The following DIS3L2 variants were observed in gnomAD, a reference collection of about 807,000 sequenced individuals.
The protein encoded by DIS3L2 is DIS3-like exonuclease 2.
DIS3L2 carries 34 observed loss-of-function variants against 97.5 expected under a neutral mutation model. That is an observed-to-expected ratio of 0.35 (90% CI 0.27 to 0.46). The LOEUF (loss-of-function observed/expected upper bound fraction) is 0.46. DIS3L2 is among the 20% of genes least tolerant of loss of function. DIS3L2 has a pLI of 1.00. For synonymous variants in DIS3L2, 435 were observed against 445.2 expected, an observed-to-expected ratio of 0.98 and a Z score of 0.29; for missense variants, 1,038 against 1,146.0, an observed-to-expected ratio of 0.91 and a Z score of 1.36.
intron 14 of DIS3L2, among the ~76,000 whole-genome samples, chr2:232,310,361 G>C (rs1203453111): frequency 6.6e-6 from 1 of 152,198 alleles, no homozygotes; most frequent in Non-Finnish European, 1.5e-5. Context: ...CAGTGCAGGT[G>C]TGAGCTCACT....
intron 1 of DIS3L2, among the ~76,000 whole-genome samples, chr2:231,966,221 T>G (rs1574769379): frequency 6.6e-6 from 1 of 150,606 alleles, no homozygotes; most frequent in Non-Finnish European, 1.5e-5. Flanking sequence ...CAGGCTGGAG[T>G]GCAGTGGCAC....
intron 13 of DIS3L2, among the ~76,000 whole-genome samples, chr2:232,273,068 G>A (rs949082989): frequency 5.3e-5 from 8 of 152,064 alleles, no homozygotes; most frequent in African/African-American, 1.4e-4. Context: ...TTCACCCTGT[G>A]ACCTTCTAGG....
intron 5 of DIS3L2, among the ~76,000 whole-genome samples, chr2:232,043,272 A>G (rs1695156443): frequency 6.6e-6 from 1 of 152,156 alleles, no homozygotes; most frequent in Admixed American, 6.5e-5. Flanking sequence ...GCAGAAGGAA[A>G]CAGAGCCAAG....
At chr2:232,064,028 C>T (rs903319745) in intron 5 of DIS3L2, among the ~76,000 whole-genome samples, 25 of 151,858 alleles carry the variant, frequency 1.6e-4, no homozygotes, top group Non-Finnish European at 4.4e-5. Context: ...GTTTGCTTGG[C>T]TTTGGTATAA....
At chr2:232,261,031 CTT>C (rs1182953489) in intron 12 of DIS3L2, among the ~76,000 whole-genome samples, 3 of 152,210 alleles carry the variant, frequency 2.0e-5, no homozygotes, top group Admixed American at 6.5e-5. Flanking sequence ...CCTCCCTTTT[CTT>C]GCACAGAAAA....
At chr2:232,301,199 A>G (rs1694846521) in intron 14 of DIS3L2, among the ~76,000 whole-genome samples, 1 of 152,206 alleles carries the variant, frequency 6.6e-6, no homozygotes, top group Non-Finnish European at 1.5e-5. Flanking sequence ...TAGGGAACTA[A>G]AGTAATTCAC....
At chr2:232,129,111 A>G (rs1698151465) in intron 6 of DIS3L2, among the ~76,000 whole-genome samples, 1 of 152,210 alleles carries the variant, frequency 6.6e-6, no homozygotes. Flanking sequence ...GGTAACAGTC[A>G]TTTGAAGATG....
At chr2:232,247,900 C>T (rs565186677) in intron 11 of DIS3L2, among the ~76,000 whole-genome samples, 10 of 152,074 alleles carry the variant, frequency 6.6e-5, no homozygotes, top group Admixed American at 2.0e-4. Context: ...AAAGTAATGG[C>T]AAGAAAAAAA....
chr2:232,257,951 G>T (rs1369360069), intron 12 of DIS3L2, among the ~76,000 whole-genome samples: 1 of 152,204 alleles, frequency 6.6e-6, no homozygotes, highest in East Asian at 1.9e-4. Context: ...TTAGGAGTTT[G>T]TATGACTTTT....
In DIS3L2 at chr2:232,300,117, CAAGT is replaced by C. The variant is rs1694819052; in HGVS notation, c.1739+2_1739+5del. 1 of 1,613,342 alleles carries C rather than the reference CAAGT, an allele frequency of 6.2e-7. No individual in the cohort carries two copies. Among genetic ancestry groups the C allele is most frequent in the Non-Finnish European group, 8.5e-7 (1 of 1,179,468 alleles). On this transcript the variant is annotated splice_donor_variant and coding_sequence_variant, in exon 14 of 21. Coordinates refer to ENST00000325385, the MANE Select transcript of DIS3L2 (RefSeq NM_152383.5). LOFTEE classifies it high-confidence loss of function. ...ATATCTATGAGTACCGCGAGAGCAA[CAAGT>C]AAGCCACTCAGTGGGAAAGAGTGTC...
chr2:232,052,552 ACT>A (rs1695439905), intron 5 of DIS3L2, among the ~76,000 whole-genome samples: 1 of 152,114 alleles, frequency 6.6e-6, no homozygotes, highest in African/African-American at 2.4e-5. Flanking sequence ...CTGTTGGGCA[ACT>A]CTGTTTCCTT....
At chr2:232,085,705 A>T (rs570481419) in intron 5 of DIS3L2, among the ~76,000 whole-genome samples, 2 of 152,360 alleles carry the variant, frequency 1.3e-5, no homozygotes, top group East Asian at 3.9e-4. Flanking sequence ...CAGTGACTCA[A>T]TAACACCTGG....
chr2:232,330,618 C>T (rs1016981953), intron 15 of DIS3L2, 72 bp from the exon 16 acceptor site: 25 of 1,500,374 alleles, frequency 1.7e-5, no homozygotes, highest in African/African-American at 8.3e-5. Flanking sequence ...AGGTGCTCAG[C>T]GGATGACAGG....
At position 232,281,836 on chromosome 2, in the gene DIS3L2, C is replaced by T. The variant is rs564367677; in HGVS notation, c.1660-18204C>T. Among the ~76,000 whole-genome samples, 5 of 152,294 alleles carry T rather than the reference C, an allele frequency of 3.3e-5. No individual in the cohort carries two copies. The highest frequency in any genetic ancestry group is 9.6e-5 in the African/African-American group (4 of 41,570). ...TGGCTGGACCGGAAGTCTGCTGCTC[C>T]TCTTCTACCTTGCCACAGGCTGCTG... On this transcript the variant is annotated intron_variant, in intron 13 of 20. Coordinates refer to ENST00000325385, the MANE Select transcript of DIS3L2 (RefSeq NM_152383.5). This position sits in a 1 kb window ranked among gnomAD's most constrained non-coding sequence, Gnocchi z 4.1.
At position 231,964,437 on chromosome 2, in the gene DIS3L2, A is replaced by AGGAG. The variant is rs149350678; in HGVS notation, c.-94+2673_-94+2676dup. On this transcript the variant is annotated intron_variant, in intron 1 of 20. Transcript: ENST00000325385. ...TGAAATTTGCTACATTGAAGAAAGT[A>AGGAG]GGAGCAGGTGTTGTTAATAGCATGG... 4.1e-3 allele frequency among the ~76,000 whole-genome samples: 632 copies of AGGAG among 152,326 alleles called. 8 individuals are homozygous for AGGAG. Among genetic ancestry groups the AGGAG allele is most frequent in the African/African-American group, 0.015 (607 of 41,568 alleles).
At chr2:231,988,333 C>T (rs1485356047) in intron 1 of DIS3L2, among the ~76,000 whole-genome samples, 1 of 152,188 alleles carries the variant, frequency 6.6e-6, no homozygotes. Context: ...CTTAATTTCT[C>T]CACGGAAAGT....
rs1438397021 is a variant in DIS3L2 at position 232,335,857 on chromosome 2, C to T, written c.2479C>T (p.Gln827Ter). ...TLVWEPEDMEQEPAQQVITIF... is the reference protein window; with the variant it reads ...TLVWEPEDME The stretch of plus-strand genomic sequence containing the variant: ...GGTCTGGGAGCCTGAGGACATGGAG[C>T]AGGAGCCAGCACAGCAGGTCAGAAC... Residue 827 changes from glutamine (Q) to a stop codon, truncating the protein, a stop_gained, in exon 20 of 21, where the codon CAG becomes TAG. Coordinates refer to ENST00000325385, the MANE Select transcript of DIS3L2 (RefSeq NM_152383.5). LOFTEE classifies it low-confidence loss of function (END_TRUNC). The T allele has an allele frequency of 6.4e-7, 1 of 1,550,746 alleles. No homozygotes were observed. Among genetic ancestry groups the T allele is most frequent in the African/African-American group, 1.4e-5 (1 of 73,170 alleles).
chr2:231,962,915 T>G (rs1229787365), intron 1 of DIS3L2, among the ~76,000 whole-genome samples: 1 of 152,158 alleles, frequency 6.6e-6, no homozygotes, highest in Non-Finnish European at 1.5e-5. Context: ...GGACATGATA[T>G]CTTCCTTTTT....
chr2:232,262,044 G>A (rs941085210), intron 12 of DIS3L2, among the ~76,000 whole-genome samples: 1 of 152,108 alleles, frequency 6.6e-6, no homozygotes, highest in Non-Finnish European at 1.5e-5. Flanking sequence ...CTTTCTTAAA[G>A]CTCTTTTCTC....
Sources: gnomAD v4.1 joint callset for allele counts (sites outside exome capture counted in the v4.1 genomes callset) on GRCh38, gnomAD v4.1.1 for gene constraint, Gnocchi (gnomAD v3.1) non-coding constraint, MANE v1.5 for transcripts, NCBI Gene and HGNC (gene_info 2026-07-23, HGNC 2026-07-21) for gene names.